The following SLC24A2 variants were observed in gnomAD, a reference collection of about 807,000 sequenced individuals.
SLC24A2 encodes the protein sodium/potassium/calcium exchanger 2.
Under a neutral mutation model 62.0 loss-of-function variants are expected in SLC24A2, and 36 were observed. That is an observed-to-expected ratio of 0.58 (90% CI 0.44 to 0.77). The LOEUF (loss-of-function observed/expected upper bound fraction) is 0.77, where lower values mean the gene tolerates loss of function less well. Among genes scored for constraint, SLC24A2 ranks in the 30% least tolerant of loss-of-function variants. SLC24A2 has a pLI of 0.00. For synonymous variants in SLC24A2, 358 were observed against 294.0 expected (o/e 1.22, Z -2.23); for missense variants, 846 against 817.9 (o/e 1.03, Z -0.42).
the SLC24A2 span, among the ~76,000 whole-genome samples, chr9:20,296,382 G>A: frequency 2.4e-4 from 37 of 152,194 alleles, no homozygotes; most frequent in Non-Finnish European, 4.0e-4. Context: ...TCTAGTACTG[G>A]TGATATAAAT....
the SLC24A2 span, among the ~76,000 whole-genome samples, chr9:20,125,043 A>C: frequency 6.6e-6 from 1 of 152,182 alleles, no homozygotes; most frequent in Non-Finnish European, 1.5e-5. Flanking sequence ...GCCTCAGTGA[A>C]GTGGTAAAGC....
chr9:19,545,625 C>T (rs1410745106), intron 8 of SLC24A2, among the ~76,000 whole-genome samples: 1 of 151,726 alleles, frequency 6.6e-6, no homozygotes, highest in African/African-American at 2.4e-5. Flanking sequence ...ATGTGCTATT[C>T]CTATTTTTTA....
chr9:19,801,193 C>T, the SLC24A2 span, among the ~76,000 whole-genome samples: 18 of 152,284 alleles, frequency 1.2e-4, no homozygotes, highest in Middle Eastern at 3.4e-3. Flanking sequence ...TTGGGCCATG[C>T]GGTGAGTGTT....
the SLC24A2 span, among the ~76,000 whole-genome samples, chr9:20,272,945 G>A: frequency 6.6e-6 from 1 of 152,182 alleles, no homozygotes; most frequent in African/African-American, 2.4e-5. Flanking sequence ...GTTCTTTACT[G>A]GATCCTGATC....
chr9:19,573,275 A>G (rs914730699), intron 7 of SLC24A2, 76 bp downstream of exon 7: 13 of 983,570 alleles, frequency 1.3e-5, no homozygotes, highest in South Asian at 2.6e-5. Flanking sequence ...TCCAAGGAGA[A>G]TATAGGGTCT....
the SLC24A2 span, among the ~76,000 whole-genome samples, chr9:19,904,670 T>C: frequency 6.6e-6 from 1 of 152,050 alleles, no homozygotes; most frequent in Admixed American, 6.5e-5. Flanking sequence ...CAGGTAAAAA[T>C]GAATGCTGCA....
chr9:20,160,908 T>A, the SLC24A2 span, among the ~76,000 whole-genome samples: 2 of 150,192 alleles, frequency 1.3e-5, no homozygotes, highest in Non-Finnish European at 3.0e-5. Context: ...AAATAAAGCA[T>A]AAAGCAGAAA....
At chr9:19,997,689 G>C in the SLC24A2 span, among the ~76,000 whole-genome samples, 1 of 152,286 alleles carries the variant, frequency 6.6e-6, no homozygotes, top group African/African-American at 2.4e-5. Flanking sequence ...CAGCAGCTAG[G>C]AGTGAGCAAG....
chr9:19,541,465 G>T (rs1385901062), intron 8 of SLC24A2, among the ~76,000 whole-genome samples: 1 of 150,748 alleles, frequency 6.6e-6, no homozygotes, highest in Non-Finnish European at 1.5e-5. Flanking sequence ...ATACCCTGCA[G>T]TGTGAGGTGT....
the SLC24A2 span, among the ~76,000 whole-genome samples, chr9:20,144,026 T>A: frequency 6.6e-6 from 1 of 152,208 alleles, no homozygotes; most frequent in African/African-American, 2.4e-5. Flanking sequence ...TAAGGTTTCC[T>A]ATATGTTACA....
chr9:19,815,959 CTTTT>C, the SLC24A2 span, among the ~76,000 whole-genome samples: 4,712 of 103,420 alleles, frequency 0.046, 294 homozygotes, highest in African/African-American at 0.16. Context: ...TTTTTTGCCC[CTTTT>C]TTTTTTTTTT....
At chr9:20,184,445 A>G in the SLC24A2 span, among the ~76,000 whole-genome samples, 163 of 152,276 alleles carry the variant, frequency 1.1e-3, no homozygotes, top group African/African-American at 3.9e-3. Context: ...GCTACTCAGG[A>G]GGCTGAGGCA....
chr9:20,212,836 A>G, the SLC24A2 span, among the ~76,000 whole-genome samples: 1 of 151,634 alleles, frequency 6.6e-6, no homozygotes, highest in Non-Finnish European at 1.5e-5. Flanking sequence ...ACTGAAATAC[A>G]AATGTTTTCA....
At chr9:19,520,142 T>C (rs1344425800) in intron 10 of SLC24A2, among the ~76,000 whole-genome samples, 2 of 152,220 alleles carry the variant, frequency 1.3e-5, no homozygotes, top group Non-Finnish European at 2.9e-5. Context: ...GTAGGTGTTT[T>C]TAGTGAGGTT....
Position 19,514,744 on chromosome 9 carries a change from G to C in SLC24A2, c.*1409C>G, listed in dbSNP as rs1239358485. 6.6e-6 allele frequency: 1 copy of C among 152,220 alleles called. No homozygotes were observed. The highest frequency in any genetic ancestry group is 1.9e-4 in the East Asian group (1 of 5,194). The allele number at this position is 152,220 out of a possible 1,614,324, so 9.4% of individuals were successfully genotyped here. On this transcript the variant is annotated 3_prime_UTR_variant, in exon 11 of 11. Transcript: ENST00000341998. ...AATCCCAGATAAGGTCTTGATGGAA[G>C]AAGAGACATAGATGTTACAAGAACT...
At chr9:20,074,192 C>T in the SLC24A2 span, among the ~76,000 whole-genome samples, 28,351 of 151,836 alleles carry the variant, frequency 0.19, 3,913 homozygotes, top group East Asian at 0.65. Context: ...CTGATTTATA[C>T]GCCATTAATG....
At chr9:19,603,629 T>C (rs978173676) in intron 4 of SLC24A2, among the ~76,000 whole-genome samples, 1 of 152,180 alleles carries the variant, frequency 6.6e-6, no homozygotes, top group Admixed American at 6.6e-5. Flanking sequence ...TCCACTGCCC[T>C]GGCCTTATTC....
At chr9:19,741,383 T>A (rs1821672630) in intron 2 of SLC24A2, among the ~76,000 whole-genome samples, 1 of 152,222 alleles carries the variant, frequency 6.6e-6, no homozygotes, top group Non-Finnish European at 1.5e-5. Context: ...TCCTGATTTT[T>A]TGGGATTCGT....
At chr9:19,650,464 C>T (rs896423394) in intron 2 of SLC24A2, among the ~76,000 whole-genome samples, 3 of 152,130 alleles carry the variant, frequency 2.0e-5, no homozygotes, top group Non-Finnish European at 1.5e-5. Context: ...GGCCACTGGC[C>T]CATCATGTGC....
Sources: allele counts gnomAD v4.1 joint callset (sites outside exome capture counted in the v4.1 genomes callset), GRCh38; gene constraint gnomAD v4.1.1; transcripts MANE v1.5; gene names NCBI Gene and HGNC (gene_info 2026-07-23, HGNC 2026-07-21).